Variants in ACTL8 observed in about 807,000 individuals in gnomAD.
ACTL8 encodes actin like 8, also known as actin-like protein 8.
In ACTL8, 3 loss-of-function variants were observed where a neutral mutation model predicts 9.3. The ratio of observed to expected loss-of-function variants is 0.32; its 90% CI spans 0.15 to 0.83. The LOEUF is 0.83. ACTL8 is among the 40% of genes least tolerant of loss of function. ACTL8 has a pLI of 0.57. For missense variants in ACTL8, 381 were observed against 492.2 expected (o/e 0.77, Z 2.14); for synonymous variants, 224 against 205.9 (o/e 1.09, Z -0.75).
intron 1 of ACTL8, among the ~76,000 whole-genome samples, chr1:17,788,850 C>G (rs527484429): frequency 6.2e-4 from 95 of 152,292 alleles, no homozygotes; most frequent in Non-Finnish European, 1.3e-3. Flanking sequence ...ACTTTGCCTC[C>G]TTTTTAGTAC....
chr1:17,755,383 A>G lies in ACTL8; in HGVS notation c.-146A>G, dbSNP rs1435235051. On this transcript the variant is annotated 5_prime_UTR_variant, in exon 1 of 3. Coordinates refer to ENST00000375406, the MANE Select transcript of ACTL8 (RefSeq NM_030812.3). ...CAGCCGCTCTCGTGCAGGCGTTTGC[A>G]GTGTGCAGCTGAGTTCGGCAGCTCA... 6.6e-6 allele frequency: 1 copy of G among 152,198 alleles called. No individual in the cohort carries two copies. The highest frequency in any genetic ancestry group is 6.5e-5 in the Admixed American group (1 of 15,286). The allele number at this position is 152,198 out of a possible 1,614,324, so 9.4% of individuals were successfully genotyped here.
intron 1 of ACTL8, among the ~76,000 whole-genome samples, chr1:17,782,234 G>A (rs1018283377): frequency 3.3e-5 from 5 of 152,188 alleles, no homozygotes; most frequent in African/African-American, 1.2e-4. Context: ...GGAGGGAACA[G>A]CACTAAATGC....
chr1:17,806,136 G>A (rs960552402), intron 1 of ACTL8, among the ~76,000 whole-genome samples: 1 of 152,158 alleles, frequency 6.6e-6, no homozygotes, highest in African/African-American at 2.4e-5. Context: ...AATTTTTAAT[G>A]GCTTGGTTTA....
intron 1 of ACTL8, among the ~76,000 whole-genome samples, chr1:17,794,370 G>T (rs971069744): frequency 6.6e-6 from 1 of 152,148 alleles, no homozygotes; most frequent in Non-Finnish European, 1.5e-5. Context: ...TTTCTGGGGC[G>T]ATTCAATACA....
chr1:17,791,667 G>A (rs923527356), intron 1 of ACTL8, among the ~76,000 whole-genome samples: 9 of 152,228 alleles, frequency 5.9e-5, no homozygotes, highest in Admixed American at 2.6e-4. Context: ...GCCGCCCTGC[G>A]AGTGGGCACC....
chr1:17,766,456 CA>C (rs1047979788), intron 1 of ACTL8, among the ~76,000 whole-genome samples: 15 of 152,186 alleles, frequency 9.9e-5, no homozygotes, highest in African/African-American at 3.6e-4. Context: ...CTCTTCTGTG[CA>C]AATATCCCAT....
chr1:17,811,102 GT>G (rs1236848791), intron 1 of ACTL8, among the ~76,000 whole-genome samples: 2 of 152,206 alleles, frequency 1.3e-5, no homozygotes, highest in Non-Finnish European at 2.9e-5. Context: ...CCCACTAGCA[GT>G]GTATGAGAGT....
intron 1 of ACTL8, among the ~76,000 whole-genome samples, chr1:17,782,499 C>T (rs535500578): frequency 9.2e-5 from 14 of 152,260 alleles, no homozygotes; most frequent in African/African-American, 2.2e-4. Flanking sequence ...ATCGCCACGG[C>T]GGCCACCTGG....
At chr1:17,805,867 TC>T (rs999120226) in intron 1 of ACTL8, among the ~76,000 whole-genome samples, 2 of 152,186 alleles carry the variant, frequency 1.3e-5, no homozygotes, top group Non-Finnish European at 2.9e-5. Context: ...CACTGCCTCT[TC>T]CTAACAGCCC....
chr1:17,825,741 A>G, intron 2 of ACTL8, 26 bp from the exon 3 acceptor site: 1 of 1,601,056 alleles, frequency 6.2e-7, no homozygotes, highest in East Asian at 2.2e-5. Flanking sequence ...GGGGAAATGC[A>G]CTGAGTGAAT....
intron 1 of ACTL8, among the ~76,000 whole-genome samples, chr1:17,773,205 C>G (rs1234212081): frequency 6.6e-6 from 1 of 152,154 alleles, no homozygotes; most frequent in Non-Finnish European, 1.5e-5. Context: ...TTTCTTTGTT[C>G]GAGTAGCTCC....
intron 1 of ACTL8, among the ~76,000 whole-genome samples, chr1:17,810,888 T>A (rs2066389604): frequency 6.6e-6 from 1 of 152,258 alleles, no homozygotes; most frequent in Non-Finnish European, 1.5e-5. Flanking sequence ...CACAGTTTGT[T>A]CATTTACCAG....
At chr1:17,819,405 A>C (rs1343567557) in intron 1 of ACTL8, among the ~76,000 whole-genome samples, 1 of 152,212 alleles carries the variant, frequency 6.6e-6, no homozygotes, top group Non-Finnish European at 1.5e-5. Flanking sequence ...GTCAGAGCCG[A>C]TTAAAGGCAG....
In ACTL8 at chr1:17,803,206, C is replaced by A. The variant is rs183437614; in HGVS notation, c.-24-19779C>A. On this transcript the variant is annotated intron_variant, in intron 1 of 2. Coordinates refer to ENST00000375406, the MANE Select transcript of ACTL8 (RefSeq NM_030812.3). Reference sequence around the variant, plus strand: ...TGTTTTATAAGGGGTTTCCCGCCCCCCCTTTTGCTCGGCACTTCTCCTTGC... The same window carrying A: ...TGTTTTATAAGGGGTTTCCCGCCCCACCTTTTGCTCGGCACTTCTCCTTGC... 3.7e-3 allele frequency among the ~76,000 whole-genome samples: 567 copies of A among 151,732 alleles called. 2 individuals are homozygous for A. The highest frequency in any genetic ancestry group is 6.8e-3 in the Middle Eastern group (2 of 294).
chr1:17,817,228 G>A (rs981839708), intron 1 of ACTL8, among the ~76,000 whole-genome samples: 8 of 150,840 alleles, frequency 5.3e-5, no homozygotes, highest in African/African-American at 9.8e-5. Flanking sequence ...GAAACTGTGC[G>A]TGGTGTTGGC....
At chr1:17,802,425 G>A (rs1224837209) in intron 1 of ACTL8, among the ~76,000 whole-genome samples, 1 of 61,496 alleles carries the variant, frequency 1.6e-5, no homozygotes, top group Admixed American at 1.5e-4. Flanking sequence ...CTGTGCGTGC[G>A]TGTGTGTGTG....
chr1:17,821,044 T>G (rs2053656657), intron 1 of ACTL8, among the ~76,000 whole-genome samples: 1 of 152,216 alleles, frequency 6.6e-6, no homozygotes, highest in Non-Finnish European at 1.5e-5. Flanking sequence ...TAATGAGTAA[T>G]AATGCTGAAT....
intron 2 of ACTL8, among the ~76,000 whole-genome samples, chr1:17,824,889 C>A (rs1280676618): frequency 6.6e-6 from 1 of 151,970 alleles, no homozygotes; most frequent in Admixed American, 6.6e-5. Flanking sequence ...TGAGAAATGG[C>A]TGGTGGGGGG....
chr1:17,773,316 C>T (rs920280959), intron 1 of ACTL8, among the ~76,000 whole-genome samples: 2 of 152,178 alleles, frequency 1.3e-5, no homozygotes, highest in Admixed American at 6.5e-5. Flanking sequence ...CCTGGCTCAC[C>T]GATCGCTGTG....
Sources: allele counts gnomAD v4.1 joint callset (sites outside exome capture counted in the v4.1 genomes callset), GRCh38; gene constraint gnomAD v4.1.1; transcripts MANE v1.5; gene names NCBI Gene and HGNC (gene_info 2026-07-23, HGNC 2026-07-21).